The following CLCN4 variants were observed in gnomAD, a reference collection of about 807,000 sequenced individuals.
CLCN4 encodes the protein Cl-/H+ antiporter 4, also known as H(+)/Cl(-) exchange transporter 4.
CLCN4 carries 1 observed loss-of-function variant against 41.7 expected under a neutral mutation model. The ratio of observed to expected loss-of-function variants is 0.02; its 90% confidence interval spans 0.01 to 0.11. The LOEUF is 0.11. Ranked by LOEUF, CLCN4 falls within the 10% of genes least tolerant of loss-of-function variation. CLCN4 has a pLI of 1.00. For missense variants in CLCN4, 287 were observed against 661.0 expected, an observed-to-expected ratio of 0.43 and a Z score of 6.20; for synonymous variants, 277 against 285.8, an observed-to-expected ratio of 0.97 and a Z score of 0.31.
At chrX:10,219,132 A>G (rs959647548) in intron 11 of CLCN4, among the ~76,000 whole-genome samples, 39 of 112,522 alleles carry the variant, frequency 3.5e-4, no homozygotes, top group Non-Finnish European at 5.6e-5. Context: ...AGATATAAGC[A>G]TGTTATTTAT....
chrX:10,169,776 TTTTTCTTTTCTTTTC>T (rs1293431689), intron 2 of CLCN4, among the ~76,000 whole-genome samples: 2 of 87,721 alleles, frequency 2.3e-5, no homozygotes, highest in African/African-American at 5.5e-5. Context: ...TTTTTTTTTC[TTTTTCTTTTCTTTTC>T]TTTTTTTTTT....
In CLCN4 at chrX:10,197,973, A is replaced by G; in HGVS notation, c.467A>G (p.Tyr156Cys). 8.3e-7 allele frequency: 1 copy of G among 1,210,432 alleles called. No individual in the cohort carries two copies. The highest frequency in any genetic ancestry group is 1.1e-6 in the Non-Finnish European group (1 of 894,637). ...ASAYILNYLMYILWALLFAFL... is the reference protein window; with the variant it reads ...ASAYILNYLMCILWALLFAFL... ...GCTTACATTCTGAATTACTTAATGT[A>G]CATCCTATGGGCGCTGCTGTTTGCA... is the stretch of plus-strand genomic sequence containing the variant. Residue 156 changes from tyrosine to cysteine, a missense_variant, in exon 6 of 13, where the codon TAC (tyrosine) becomes TGC (cysteine). By Grantham distance (194) the Tyr-to-Cys change is radical (BLOSUM62 -2). Around this residue, in one of 6 missense-constraint regions of CLCN4, gnomAD observed 90 missense variants for 209.8 expected, o/e 0.43. Transcript: ENST00000380833.
chrX:10,218,566 A>G (rs1924786546), intron 11 of CLCN4, among the ~76,000 whole-genome samples: 1 of 112,602 alleles, frequency 8.9e-6, no homozygotes, highest in African/African-American at 3.2e-5. Context: ...GTGAACTTAC[A>G]TGCAGGCATT....
chrX:10,194,403 GT>G (rs1924044188), intron 4 of CLCN4, among the ~76,000 whole-genome samples: 1 of 111,792 alleles, frequency 8.9e-6, no homozygotes, highest in Non-Finnish European at 1.9e-5. Context: ...AATGCAGAGA[GT>G]TTTAATAAAC....
At position 10,159,724 on chromosome X, in the gene CLCN4, A is replaced by T. The variant is rs1334746754; in HGVS notation, c.-12+1173A>T. ...AGATGTGTTGCTGCAGTAATTTAGT[A>T]ACTTGTTTATTGCAATTTTCTTCCT... On this transcript the variant is annotated intron_variant, in intron 2 of 12. Coordinates refer to ENST00000380833, the MANE Select transcript of CLCN4 (RefSeq NM_001830.4). Among the ~76,000 whole-genome samples the T allele has an allele frequency of 2.7e-5, 3 of 111,639 alleles. No homozygotes were observed. In the Admixed American group the frequency reaches 2.8e-4, roughly 11 times the overall value.
In CLCN4 at chrX:10,158,288, G is replaced by A; in HGVS notation, c.-274-1G>A. 3.4e-6 allele frequency: 1 copy of A among 291,415 alleles called. No homozygotes were observed. Among genetic ancestry groups the A allele is most frequent in the Non-Finnish European group, 6.0e-6 (1 of 166,505 alleles). 24.0% of individuals were successfully genotyped at this position (291,415 alleles called of 1,213,427 possible). ...TTGTTTTTCATAATTCTTCGCGAAAGGCCAGGCAAGCTGCACACATCAAGC... is the reference window on the plus strand; with the variant it reads ...TTGTTTTTCATAATTCTTCGCGAAAAGCCAGGCAAGCTGCACACATCAAGC... On this transcript the variant is annotated splice_acceptor_variant, in intron 1 of 12. Transcript: ENST00000380833. LOFTEE classifies it low-confidence loss of function (5UTR_SPLICE).
intron 6 of CLCN4, 27 bp downstream of exon 6, chrX:10,198,088 C>G: frequency 8.3e-7 from 1 of 1,199,801 alleles, no homozygotes; most frequent in Non-Finnish European, 1.1e-6. Flanking sequence ...TTTTTTGGTA[C>G]CAATAATAAG....
At chrX:10,210,650 C>CT (rs34763016) in intron 9 of CLCN4, among the ~76,000 whole-genome samples, 5,322 of 74,926 alleles carry the variant, frequency 0.071, 254 homozygotes, top group East Asian at 0.17. Flanking sequence ...CCTGAATTGT[C>CT]TTTTTTTTTT....
intron 6 of CLCN4, among the ~76,000 whole-genome samples, chrX:10,199,899 C>T (rs750834868): frequency 1.1e-4 from 12 of 110,274 alleles, no homozygotes; most frequent in East Asian, 2.8e-4. Flanking sequence ...GCTGGGGTTG[C>T]GGATGTGTAC....
At chrX:10,205,784 CT>C (rs367629039) in intron 6 of CLCN4, among the ~76,000 whole-genome samples, 1,998 of 102,638 alleles carry the variant, frequency 0.019, 41 homozygotes, top group African/African-American at 0.059. Context: ...ATTTTAATTT[CT>C]TTTTTTTTTT....
intron 12 of CLCN4, among the ~76,000 whole-genome samples, chrX:10,222,765 G>C (rs1169416191): frequency 8.9e-6 from 1 of 111,858 alleles, no homozygotes; most frequent in African/African-American, 3.3e-5. Flanking sequence ...CTGCTGTCCT[G>C]GTAGCAAGCA....
At chrX:10,226,063 T>C (rs1040044123) in intron 12 of CLCN4, among the ~76,000 whole-genome samples, 7 of 111,788 alleles carry the variant, frequency 6.3e-5, no homozygotes, top group African/African-American at 2.0e-4. Context: ...ATATGGACTC[T>C]CCACCTCAAA....
intron 11 of CLCN4, 79 bp downstream of exon 11, chrX:10,214,158 T>C: frequency 9.9e-7 from 1 of 1,012,368 alleles, no homozygotes; most frequent in Non-Finnish European, 1.3e-6. Flanking sequence ...TCCAAGATTT[T>C]TGAGGTGATG....
Position 10,163,455 on chromosome X carries a change from C to T in CLCN4, c.-12+4904C>T, listed in dbSNP as rs969855119. On this transcript the variant is annotated intron_variant, in intron 2 of 12. Coordinates refer to ENST00000380833, the MANE Select transcript of CLCN4 (RefSeq NM_001830.4). ...TGGAATCTCTCTTTGTTGCCCAGGC[C>T]GGAGTGCAGTGGCTTGATCTCGGCT... 1.9e-4 allele frequency among the ~76,000 whole-genome samples: 20 copies of T among 107,252 alleles called. No individual in the cohort carries two copies. In the East Asian group the frequency reaches 2.6e-3, roughly 14 times the overall value. The allele number at this position is 107,252 out of a possible 115,157, so 93.1% of individuals were successfully genotyped here. A position where few individuals can be genotyped will look rare whatever the true frequency, so the allele number is the denominator to read the frequency against.
rs1456534452 is a variant in CLCN4, at chrX:10,185,285, G to T, written c.144+109G>T. The T allele has an allele frequency of 8.3e-6, 7 of 838,673 alleles. No individual in the cohort carries two copies. In the South Asian group the frequency reaches 1.9e-4, roughly 23 times the overall value. 69.1% of individuals were successfully genotyped at this position (838,673 alleles called of 1,213,427 possible). The stretch of plus-strand genomic sequence containing the variant: ...CGTACGTGTCATGTGCTGGGTTAGG[G>T]TCTAAAGAAGAAAAGAGCCAGTGGG... On this transcript the variant is annotated intron_variant, in intron 3 of 12. Transcript: ENST00000380833.
chrX:10,206,471 G>A lies in CLCN4; in HGVS notation c.669G>A (p.Lys223=), dbSNP rs747861795. 5 of 1,208,933 alleles carry A rather than the reference G, an allele frequency of 4.1e-6. No individual in the cohort carries two copies. Among genetic ancestry groups the A allele is most frequent in the Non-Finnish European group, 5.6e-6 (5 of 894,649 alleles). ...TGTCCTCCGGTCTGAGCCTTGGGAAGGAAGGGCCGCTAGTGCACGTGGCTT... is the reference window on the plus strand; with the variant it reads ...TGTCCTCCGGTCTGAGCCTTGGGAAAGAAGGGCCGCTAGTGCACGTGGCTT... ...LVVSSGLSLG[K]EGPLVHVACC... is the part of the protein sequence containing the mutation. Residue 223 remains lysine, a synonymous_variant, in exon 7 of 13, where the codon AAG becomes AAA. Transcript: ENST00000380833.
chrX:10,160,213 C>T (rs1381424925), intron 2 of CLCN4, among the ~76,000 whole-genome samples: 1 of 111,754 alleles, frequency 8.9e-6, no homozygotes, highest in African/African-American at 3.3e-5. Flanking sequence ...AAATATTCTT[C>T]TTCGGGCTCC....
At chrX:10,230,784 A>G (rs1001935974) in intron 12 of CLCN4, among the ~76,000 whole-genome samples, 1 of 112,089 alleles carries the variant, frequency 8.9e-6, no homozygotes, top group Non-Finnish European at 1.9e-5. Context: ...AGTTTCCCCT[A>G]TTGTCAATAT....
At chrX:10,222,797 A>G (rs1014907448) in intron 12 of CLCN4, among the ~76,000 whole-genome samples, 1 of 111,872 alleles carries the variant, frequency 8.9e-6, no homozygotes, top group African/African-American at 3.3e-5. Context: ...AGGCTTTGCA[A>G]TTTGCAGATT....
Sources: allele counts gnomAD v4.1 joint callset (sites outside exome capture counted in the v4.1 genomes callset), GRCh38; gene constraint gnomAD v4.1.1; regional missense constraint gnomAD v4.1.1; transcripts MANE v1.5; gene names NCBI Gene and HGNC (gene_info 2026-07-23, HGNC 2026-07-21).